Variants in LRMDA observed in about 807,000 individuals in gnomAD.
The protein encoded by LRMDA is leucine rich melanocyte differentiation associated, also known as leucine-rich melanocyte differentiation-associated protein.
Under a neutral mutation model 29.8 loss-of-function variants are expected in LRMDA, and 18 were observed. That is an observed-to-expected ratio of 0.60 (90% CI 0.42 to 0.90). LRMDA has a LOEUF of 0.90. Ranked by LOEUF, LRMDA falls within the 40% of genes least tolerant of loss-of-function variation. LRMDA has a pLI of 0.00. For synonymous variants in LRMDA, 125 were observed against 109.4 expected (o/e 1.14, Z -0.89); for missense variants, 273 against 273.9 (o/e 1.00, Z 0.02).
intron 2 of LRMDA, among the ~76,000 whole-genome samples, chr10:75,616,829 G>A (rs1009203594): frequency 6.6e-6 from 1 of 152,210 alleles, no homozygotes; most frequent in African/African-American, 2.4e-5. Flanking sequence ...TGTATGGTTT[G>A]ATTTGAAGGG....
chr10:75,685,506 G>A (rs561710499), intron 2 of LRMDA, among the ~76,000 whole-genome samples: 2 of 152,278 alleles, frequency 1.3e-5, no homozygotes, highest in East Asian at 3.9e-4. Context: ...TTTCCAGGTG[G>A]CCCCACCTAT....
At chr10:76,179,508 G>A (rs779323512) in intron 5 of LRMDA, among the ~76,000 whole-genome samples, 4 of 152,202 alleles carry the variant, frequency 2.6e-5, no homozygotes, top group African/African-American at 4.8e-5. Flanking sequence ...GAGGATGGCT[G>A]GGAGGATCGG....
chr10:75,720,024 A>C (rs1842546788), intron 2 of LRMDA, among the ~76,000 whole-genome samples: 1 of 152,186 alleles, frequency 6.6e-6, no homozygotes, highest in Non-Finnish European at 1.5e-5. Flanking sequence ...TTTAAAATAA[A>C]ACCCAAAATT....
intron 2 of LRMDA, among the ~76,000 whole-genome samples, chr10:75,636,225 A>G (rs1016238597): frequency 9.2e-5 from 14 of 152,258 alleles, no homozygotes; most frequent in African/African-American, 3.1e-4. Context: ...TAAGCTTTAG[A>G]TTCAGACCTG....
intron 2 of LRMDA, among the ~76,000 whole-genome samples, chr10:75,758,992 A>T: frequency 6.6e-6 from 1 of 152,006 alleles, no homozygotes; most frequent in East Asian, 1.9e-4. Context: ...GGTGATTTAA[A>T]TGGGTACATT....
chr10:75,506,119 T>A (rs1048888905), intron 2 of LRMDA, among the ~76,000 whole-genome samples: 1 of 151,654 alleles, frequency 6.6e-6, no homozygotes, highest in African/African-American at 2.4e-5. Context: ...AAAATAAACC[T>A]CTGGTTTTTC....
chr10:76,236,204 T>C (rs1852148986), intron 5 of LRMDA, among the ~76,000 whole-genome samples: 1 of 152,170 alleles, frequency 6.6e-6, no homozygotes, highest in African/African-American at 2.4e-5. Context: ...TAACAAGAAT[T>C]CTGGACAGAA....
At chr10:75,506,502 T>C (rs903952203) in intron 2 of LRMDA, among the ~76,000 whole-genome samples, 2 of 152,164 alleles carry the variant, frequency 1.3e-5, no homozygotes, top group African/African-American at 4.8e-5. Flanking sequence ...TGGTGTCTTA[T>C]AGCAGATCAG....
At chr10:75,471,779 C>T (rs1008610992) in intron 2 of LRMDA, among the ~76,000 whole-genome samples, 5 of 152,126 alleles carry the variant, frequency 3.3e-5, no homozygotes, top group Non-Finnish European at 5.9e-5. Flanking sequence ...TGTTGGAAAT[C>T]GAGTGGTGAG....
At chr10:76,389,883 C>T (rs1427417830) in intron 6 of LRMDA, among the ~76,000 whole-genome samples, 1 of 152,034 alleles carries the variant, frequency 6.6e-6, no homozygotes, top group Non-Finnish European at 1.5e-5. Context: ...TGTTGATGGT[C>T]ATTTGGGCTG....
intron 2 of LRMDA, among the ~76,000 whole-genome samples, chr10:75,751,000 C>T (rs1322475647): frequency 2.0e-5 from 3 of 152,198 alleles, no homozygotes; most frequent in Non-Finnish European, 2.9e-5. Context: ...GCCGAGATCA[C>T]GCCACTGCAC....
intron 2 of LRMDA, among the ~76,000 whole-genome samples, chr10:75,974,210 C>T (rs981182281): frequency 4.6e-5 from 7 of 152,146 alleles, no homozygotes; most frequent in African/African-American, 1.4e-4. Flanking sequence ...CCTAACTGTT[C>T]CCTGGGGCAA....
intron 6 of LRMDA, among the ~76,000 whole-genome samples, chr10:76,394,189 T>C (rs549018296): frequency 6.6e-6 from 1 of 152,288 alleles, no homozygotes; most frequent in Admixed American, 6.5e-5. Flanking sequence ...TCTCAGAAAC[T>C]GAAGTTTAAA....
intron 2 of LRMDA, among the ~76,000 whole-genome samples, chr10:75,958,440 G>A (rs1338272247): frequency 6.6e-6 from 1 of 152,076 alleles, no homozygotes; most frequent in East Asian, 1.9e-4. Flanking sequence ...ATTCACAAGA[G>A]TGAATTGATC....
chr10:76,355,378 G>A lies in LRMDA; in HGVS notation c.601+30893G>A, dbSNP rs150390881. Among the ~76,000 whole-genome samples the A allele has an allele frequency of 6.6e-5, 10 of 152,242 alleles. No homozygotes were observed. In the East Asian group the frequency reaches 1.9e-3, roughly 29 times the overall value. ...GAAATTGTAAGAAGCACAGCATCAG[G>A]TTACCAAGAAATTATGGAGCCCTTT... On this transcript the variant is annotated intron_variant, in intron 6 of 6. Transcript: ENST00000611255.
intron 2 of LRMDA, among the ~76,000 whole-genome samples, chr10:75,733,595 T>C (rs552299902): frequency 4.5e-4 from 69 of 152,248 alleles, no homozygotes; most frequent in African/African-American, 1.5e-3. Flanking sequence ...GAGATGATAA[T>C]GTGGCCTGTT....
chr10:76,368,684 G>T (rs1173535362), intron 6 of LRMDA, among the ~76,000 whole-genome samples: 3 of 152,128 alleles, frequency 2.0e-5, no homozygotes, highest in Admixed American at 1.3e-4. Flanking sequence ...GACCTGTCTA[G>T]TGCTGTCAGT....
chr10:75,635,711 A>T (rs987116851), intron 2 of LRMDA, among the ~76,000 whole-genome samples: 1 of 151,996 alleles, frequency 6.6e-6, no homozygotes, highest in Non-Finnish European at 1.5e-5. Context: ...GGATGCCCAC[A>T]CTTATTTTCC....
At chr10:76,006,385 C>T (rs1294840540) in intron 2 of LRMDA, among the ~76,000 whole-genome samples, 1 of 152,146 alleles carries the variant, frequency 6.6e-6, no homozygotes, top group East Asian at 1.9e-4. Flanking sequence ...AACCGTTTTG[C>T]CTCTGTCCGG....
Sources: gnomAD v4.1 joint callset for allele counts (sites outside exome capture counted in the v4.1 genomes callset) on GRCh38, gnomAD v4.1.1 for gene constraint, MANE v1.5 for transcripts, NCBI Gene and HGNC (gene_info 2026-07-23, HGNC 2026-07-21) for gene names.